The following THSD7A variants were observed in gnomAD, a reference collection of about 807,000 sequenced individuals.
THSD7A encodes the protein thrombospondin type-1 domain-containing protein 7A.
Under a neutral mutation model 231.3 loss-of-function variants are expected in THSD7A, and 96 were observed. The observed-to-expected ratio is 0.41, with a 90% CI of 0.35 to 0.49. The LOEUF (loss-of-function observed/expected upper bound fraction) is 0.49, where lower values mean the gene tolerates loss of function less well. Ranked by LOEUF, THSD7A falls within the 20% of genes least tolerant of loss-of-function variation. The pLI is 0.05. For missense variants in THSD7A, 2,290 were observed against 2,070.2 expected, an observed-to-expected ratio of 1.11 and a Z score of -2.06; for synonymous variants, 940 against 743.3, an observed-to-expected ratio of 1.26 and a Z score of -4.30.
At chr7:11,617,584 T>G (rs2526105) in intron 2 of THSD7A, among the ~76,000 whole-genome samples, 7,857 of 152,286 alleles carry the variant, frequency 0.052, 321 homozygotes, top group South Asian at 0.085. Context: ...ATTTTATTGT[T>G]GGCAAATAAC....
intron 16 of THSD7A, among the ~76,000 whole-genome samples, chr7:11,421,325 T>C (rs184132060): frequency 6.6e-5 from 10 of 152,196 alleles, no homozygotes; most frequent in Admixed American, 4.6e-4. Flanking sequence ...TGTTGTAAAG[T>C]GTGTGGCACT....
intron 1 of THSD7A, among the ~76,000 whole-genome samples, chr7:11,762,455 G>T (rs868455585): frequency 2.6e-4 from 39 of 152,028 alleles, no homozygotes; most frequent in African/African-American, 8.5e-4. Flanking sequence ...GGTATCTTAT[G>T]GCTTTAATTT....
At position 11,614,677 on chromosome 7, in the gene THSD7A, T is replaced by G. The variant is rs142916045; in HGVS notation, c.1023-21175A>C. Among the ~76,000 whole-genome samples the G allele has an allele frequency of 6.2e-3, 952 of 152,338 alleles. 11 individuals carry two copies. Among genetic ancestry groups the G allele is most frequent in the African/African-American group, 0.022 (918 of 41,578 alleles). ...TAGCCTTGTTATCAATGACAGAAATTGGGACTGTGCTAGCTTGTCTTGTTC... is the reference window on the plus strand; with the variant it reads ...TAGCCTTGTTATCAATGACAGAAATGGGGACTGTGCTAGCTTGTCTTGTTC... On this transcript the variant is annotated intron_variant, in intron 2 of 27. Transcript: ENST00000423059.
chr7:11,636,786 G>A lies in THSD7A; in HGVS notation c.366C>T (p.Tyr122=). The A allele has an allele frequency of 6.2e-7, 1 of 1,613,900 alleles. No homozygotes were observed. The highest frequency in any genetic ancestry group is 8.5e-7 in the Non-Finnish European group (1 of 1,179,878). The change falls in exon 2 of 28, where the codon TAC becomes TAT. Residue 122 remains tyrosine, a synonymous_variant. Coordinates refer to ENST00000423059, the MANE Select transcript of THSD7A (RefSeq NM_015204.3). This position sits in a 1 kb window ranked among gnomAD's most constrained non-coding sequence, Gnocchi z 10.0. ...GATTCCAAGGTCCCAGTCTCCAGTCGTACAACTCTTTGTGCCAATCGCAAA... is the reference window on the plus strand; with the variant it reads ...GATTCCAAGGTCCCAGTCTCCAGTCATACAACTCTTTGTGCCAATCGCAAA... The part of the protein sequence containing the change: ...FKVCDWHKEL[Y]DWRLGPWNQC...
intron 1 of THSD7A, among the ~76,000 whole-genome samples, chr7:11,741,278 A>G (rs1296697508): frequency 1.3e-5 from 2 of 151,932 alleles, no homozygotes; most frequent in Admixed American, 6.6e-5. Context: ...ACTGTTTTCA[A>G]TAACCTCTGG....
chr7:11,529,514 G>C (rs1203778597), intron 6 of THSD7A, among the ~76,000 whole-genome samples: 1 of 152,008 alleles, frequency 6.6e-6, no homozygotes, highest in African/African-American at 2.4e-5. Context: ...TTACATCATG[G>C]GGATGGTTTC....
chr7:11,831,514 C>T lies in THSD7A; in HGVS notation c.190+243G>A, dbSNP rs950575873. Among the ~76,000 whole-genome samples the T allele has an allele frequency of 1.9e-4, 29 of 152,248 alleles. No individual in the cohort carries two copies. Among genetic ancestry groups the T allele is most frequent in the Admixed American group, 1.2e-3 (18 of 15,304 alleles). ...ACTTCATCATGGAAGTGCGCGTTGCCCTCATTACAGAGCTGCGAGAGAAAT... is the reference window on the plus strand; with the variant it reads ...ACTTCATCATGGAAGTGCGCGTTGCTCTCATTACAGAGCTGCGAGAGAAAT... On this transcript the variant is annotated intron_variant, in intron 1 of 27. Coordinates refer to ENST00000423059, the MANE Select transcript of THSD7A (RefSeq NM_015204.3). This position sits in a 1 kb window ranked among gnomAD's most constrained non-coding sequence, Gnocchi z 5.0.
At chr7:11,767,942 C>G (rs1486551265) in intron 1 of THSD7A, among the ~76,000 whole-genome samples, 1 of 152,124 alleles carries the variant, frequency 6.6e-6, no homozygotes, top group Non-Finnish European at 1.5e-5. Flanking sequence ...CATTTTCTTA[C>G]TTTAACAATA....
intron 13 of THSD7A, among the ~76,000 whole-genome samples, chr7:11,430,980 A>T (rs1278020721): frequency 6.6e-6 from 1 of 152,194 alleles, no homozygotes; most frequent in East Asian, 1.9e-4. Flanking sequence ...CTGTGTGGGC[A>T]TACATTTTCA....
intron 24 of THSD7A, among the ~76,000 whole-genome samples, chr7:11,381,399 G>A (rs1016588278): frequency 3.3e-5 from 5 of 152,080 alleles, no homozygotes; most frequent in African/African-American, 9.7e-5. Context: ...GCTCCCATAT[G>A]GAGGAAATAA....
At chr7:11,384,692 A>G (rs1255475145) in intron 23 of THSD7A, 1 of 151,966 alleles carries the variant, frequency 6.6e-6, no homozygotes, top group Non-Finnish European at 1.5e-5. Flanking sequence ...CTTTTAGTCT[A>G]ATGGCTTAAT....
At chr7:11,678,475 G>A (rs1783732495) in intron 1 of THSD7A, among the ~76,000 whole-genome samples, 1 of 151,900 alleles carries the variant, frequency 6.6e-6, no homozygotes, top group African/African-American at 2.4e-5. Flanking sequence ...AGAAAAGAGA[G>A]AAGAATCAAA....
chr7:11,738,935 T>C, intron 1 of THSD7A, among the ~76,000 whole-genome samples: 1 of 152,044 alleles, frequency 6.6e-6, no homozygotes, highest in Non-Finnish European at 1.5e-5. Flanking sequence ...TTTAAGCCAC[T>C]AAATTCATGT....
At chr7:11,771,955 A>G (rs1339560857) in intron 1 of THSD7A, among the ~76,000 whole-genome samples, 3 of 151,978 alleles carry the variant, frequency 2.0e-5, no homozygotes, top group Non-Finnish European at 4.4e-5. Flanking sequence ...CTCTCCTTTC[A>G]CCTTCCGCCA....
chr7:11,518,479 T>C (rs1366094795), intron 6 of THSD7A, among the ~76,000 whole-genome samples: 2 of 152,164 alleles, frequency 1.3e-5, no homozygotes, highest in Non-Finnish European at 2.9e-5. Context: ...CCAGGCTTCA[T>C]TCATTACATG....
chr7:11,436,851 G>C (rs775101055), intron 13 of THSD7A, among the ~76,000 whole-genome samples: 4 of 151,818 alleles, frequency 2.6e-5, no homozygotes, highest in Non-Finnish European at 5.9e-5. Flanking sequence ...ACAAAGGGAG[G>C]GGAAAGTGTT....
At chr7:11,527,902 C>T (rs1788545006) in intron 6 of THSD7A, among the ~76,000 whole-genome samples, 1 of 152,106 alleles carries the variant, frequency 6.6e-6, no homozygotes, top group South Asian at 2.1e-4. Flanking sequence ...GCCTCTAATT[C>T]CAGCACTGTA....
At chr7:11,578,766 T>C (rs1346916725) in intron 4 of THSD7A, among the ~76,000 whole-genome samples, 2 of 152,026 alleles carry the variant, frequency 1.3e-5, no homozygotes, top group Non-Finnish European at 2.9e-5. Context: ...AGGCAGAAAA[T>C]AGAGGAAAAG....
In THSD7A at chr7:11,481,995, T is replaced by C; in HGVS notation, c.1823-13A>G. The C allele has an allele frequency of 6.3e-7, 1 of 1,585,092 alleles. No individual in the cohort carries two copies. The highest frequency in any genetic ancestry group is 1.7e-4 in the Middle Eastern group (1 of 5,932). On this transcript the variant is annotated splice_polypyrimidine_tract_variant and intron_variant, in intron 6 of 27. Transcript: ENST00000423059. ...TCAACTTCTTCTCCTGGGGAAAACA[T>C]GACCACCAACAGCTATTATTGTTAA...
Sources: gnomAD v4.1 joint callset for allele counts (sites outside exome capture counted in the v4.1 genomes callset) on GRCh38, gnomAD v4.1.1 for gene constraint, Gnocchi (gnomAD v3.1) non-coding constraint, MANE v1.5 for transcripts, NCBI Gene and HGNC (gene_info 2026-07-23, HGNC 2026-07-21) for gene names.